EVI5: variants seen among roughly 807,000 people sequenced by gnomAD.
EVI5 encodes ecotropic viral integration site 5.
In EVI5, 73 loss-of-function variants were observed where a neutral mutation model predicts 112.0. The observed-to-expected ratio is 0.65, with a 90% CI of 0.54 to 0.79. The LOEUF (loss-of-function observed/expected upper bound fraction) is 0.79. EVI5 is among the 30% of genes least tolerant of loss of function. The pLI is 0.00. For missense variants in EVI5, 900 were observed against 968.8 expected, an observed-to-expected ratio of 0.93 and a Z score of 0.94; for synonymous variants, 305 against 319.9, an observed-to-expected ratio of 0.95 and a Z score of 0.50.
At chr1:92,781,011 C>A (rs1423873158) in intron 1 of EVI5, among the ~76,000 whole-genome samples, 1 of 151,962 alleles carries the variant, frequency 6.6e-6, no homozygotes, top group Non-Finnish European at 1.5e-5. Context: ...GCCACCACGC[C>A]CAGCTAATTT....
rs146098857 is a variant in EVI5, at chr1:92,780,132, G to A, written c.-82+4704C>T. Reference sequence around the variant, plus strand: ...ATTGTGATAGTGAGTGAGTTCTCACGAGATCTGATGGTTTTACAGGGGGCT... The same window carrying A: ...ATTGTGATAGTGAGTGAGTTCTCACAAGATCTGATGGTTTTACAGGGGGCT... On this transcript the variant is annotated intron_variant, in intron 1 of 19. Transcript: ENST00000684568. Among the ~76,000 whole-genome samples, 31 of 152,280 alleles carry A rather than the reference G, an allele frequency of 2.0e-4. No homozygotes were observed. In the East Asian group the frequency reaches 4.4e-3, roughly 22 times the overall value.
In EVI5 at chr1:92,776,065, G is replaced by A. The variant is rs1037517024; in HGVS notation, c.-82+8771C>T. Among the ~76,000 whole-genome samples the A allele has an allele frequency of 8.8e-5, 13 of 147,222 alleles. No individual in the cohort carries two copies. In the East Asian group the frequency reaches 1.2e-3, roughly 14 times the overall value. On this transcript the variant is annotated intron_variant, in intron 1 of 19. Transcript: ENST00000684568. ...GGAGGTTGCAGTGAGCCAAAATTGC[G>A]CCACTGCACTCCAGCCTGGGCGACA...
At chr1:92,751,144 C>T (rs1374217008) in intron 1 of EVI5, among the ~76,000 whole-genome samples, 1 of 151,834 alleles carries the variant, frequency 6.6e-6, no homozygotes, top group Non-Finnish European at 1.5e-5. Context: ...AACAAGACTC[C>T]CTCTCAAAAA....
intron 14 of EVI5, among the ~76,000 whole-genome samples, chr1:92,628,927 A>G (rs1440509248): frequency 2.0e-5 from 3 of 152,246 alleles, no homozygotes; most frequent in African/African-American, 7.2e-5. Context: ...AGAAAAAAAG[A>G]GGATGCTGCA....
At chr1:92,722,223 A>G (rs1674862737) in intron 2 of EVI5, among the ~76,000 whole-genome samples, 1 of 152,178 alleles carries the variant, frequency 6.6e-6, no homozygotes, top group Admixed American at 6.5e-5. Context: ...ACTGTTATTA[A>G]CAATAGTAAC....
chr1:92,622,419 A>G, intron 16 of EVI5: 1 of 346,170 alleles, frequency 2.9e-6, no homozygotes, highest in South Asian at 2.3e-5. Context: ...GAAGATATAC[A>G]CAAGGAAACA....
chr1:92,534,479 C>T (rs1207406081), intron 19 of EVI5, among the ~76,000 whole-genome samples: 2 of 152,166 alleles, frequency 1.3e-5, no homozygotes, highest in African/African-American at 4.8e-5. Flanking sequence ...CCAAGACAAT[C>T]CTAAGCAAAA....
At chr1:92,683,440 C>T (rs1667934958) in intron 9 of EVI5, among the ~76,000 whole-genome samples, 1 of 152,158 alleles carries the variant, frequency 6.6e-6, no homozygotes, top group Non-Finnish European at 1.5e-5. Context: ...GTAGATAAAA[C>T]CACAAAGATG....
At chr1:92,526,427 A>G (rs1661893954) in intron 19 of EVI5, among the ~76,000 whole-genome samples, 4 of 152,176 alleles carry the variant, frequency 2.6e-5, no homozygotes. Context: ...TAGATACAGA[A>G]AGCATGTGCT....
intron 1 of EVI5, among the ~76,000 whole-genome samples, chr1:92,781,128 G>A (rs1219808284): frequency 2.0e-5 from 3 of 151,984 alleles, no homozygotes; most frequent in Non-Finnish European, 2.9e-5. Flanking sequence ...GGGATTTCAG[G>A]CATGAGCCAC....
At chr1:92,521,020 G>T (rs908228724) in intron 19 of EVI5, among the ~76,000 whole-genome samples, 5 of 149,712 alleles carry the variant, frequency 3.3e-5, no homozygotes, top group African/African-American at 1.2e-4. Flanking sequence ...GGAGTACAGT[G>T]GCACGATCTC....
At chr1:92,776,959 C>G (rs945973760) in intron 1 of EVI5, among the ~76,000 whole-genome samples, 1 of 152,144 alleles carries the variant, frequency 6.6e-6, no homozygotes, top group Non-Finnish European at 1.5e-5. Flanking sequence ...CCCGCCACCA[C>G]GCCTGGCTAA....
intron 16 of EVI5, among the ~76,000 whole-genome samples, chr1:92,618,869 C>CAT (rs1296892124): frequency 6.6e-6 from 1 of 152,172 alleles, no homozygotes; most frequent in African/African-American, 2.4e-5. Flanking sequence ...TATCATGTGA[C>CAT]ATAAGATTTA....
chr1:92,624,219 T>C lies in EVI5; in HGVS notation c.1784A>G (p.Glu595Gly), dbSNP rs200068198. Reference protein sequence around the residue: ...IRLREAETQAEIREIKQRMME... With the variant: ...IRLREAETQAGIREIKQRMME... ...CATCCTTTGTTTTATTTCTCTTATT[T>C]CTGCTTGTGTTTCAGCTTCTCTAAG... is the stretch of plus-strand genomic sequence containing the variant. The change falls in exon 16 of 20, where the codon GAA becomes GGA. Residue 595 changes from glutamate (E) to glycine (G), a missense_variant. Coordinates refer to ENST00000684568, the MANE Select transcript of EVI5 (RefSeq NM_001350197.2). 2.2e-5 allele frequency: 35 copies of C among 1,613,942 alleles called. No homozygotes were observed. In the South Asian group the frequency reaches 3.2e-4, roughly 15 times the overall value.
At chr1:92,715,339 G>A (rs747221512) in intron 2 of EVI5, among the ~76,000 whole-genome samples, 5 of 152,122 alleles carry the variant, frequency 3.3e-5, no homozygotes, top group Admixed American at 6.5e-5. Context: ...ATACACACAC[G>A]CGACTCAAAA....
chr1:92,710,914 T>C (rs932096650), intron 2 of EVI5, among the ~76,000 whole-genome samples: 1 of 152,178 alleles, frequency 6.6e-6, no homozygotes, highest in Admixed American at 6.5e-5. Flanking sequence ...AAGAAAATAT[T>C]CCAGCATGGA....
At chr1:92,783,085 T>C (rs1471660282) in intron 1 of EVI5, among the ~76,000 whole-genome samples, 1 of 151,918 alleles carries the variant, frequency 6.6e-6, no homozygotes, top group Non-Finnish European at 1.5e-5. Flanking sequence ...CCTCCCAAAA[T>C]GCTAGGATCA....
At chr1:92,664,866 T>C (rs975482357) in intron 11 of EVI5, among the ~76,000 whole-genome samples, 10 of 152,206 alleles carry the variant, frequency 6.6e-5, no homozygotes, top group African/African-American at 2.2e-4. Context: ...CTTGGCAATA[T>C]GATGAGGGGT....
chr1:92,756,740 A>C lies in EVI5; in HGVS notation c.-81-20113T>G, dbSNP rs996069902. The C allele has an allele frequency of 2.0e-4, 98 of 489,320 alleles. 1 individual carries two copies. The highest frequency in any genetic ancestry group is 7.0e-4 in the South Asian group (44 of 63,140). 30.3% of individuals were successfully genotyped at this position (489,320 alleles called of 1,614,324 possible). A position where few individuals can be genotyped will look rare whatever the true frequency, so the allele number is the denominator to read the frequency against. On this transcript the variant is annotated intron_variant, in intron 1 of 19. Coordinates refer to ENST00000684568, the MANE Select transcript of EVI5 (RefSeq NM_001350197.2). Reference sequence around the variant, plus strand: ...CTACATCAACCAAGCTGTTGTTAGCAGATGGTATCTACTATGCACGCCTCA... The same window carrying C: ...CTACATCAACCAAGCTGTTGTTAGCCGATGGTATCTACTATGCACGCCTCA...
Sources: gnomAD v4.1 joint callset for allele counts (sites outside exome capture counted in the v4.1 genomes callset) on GRCh38, gnomAD v4.1.1 for gene constraint, MANE v1.5 for transcripts, NCBI Gene and HGNC (gene_info 2026-07-23, HGNC 2026-07-21) for gene names.